Variants in MYO9A observed in about 807,000 individuals in gnomAD.
MYO9A encodes the protein myosin IXA.
In MYO9A, 103 loss-of-function variants were observed where a neutral mutation model predicts 293.3. The ratio of observed to expected loss-of-function variants is 0.35; its 90% CI spans 0.30 to 0.41. The LOEUF (loss-of-function observed/expected upper bound fraction) is 0.41. MYO9A is among the 10% of genes least tolerant of loss of function. MYO9A has a pLI of 1.00. For synonymous variants in MYO9A, 1,001 were observed against 1,035.7 expected, an observed-to-expected ratio of 0.97 and a Z score of 0.64; for missense variants, 2,685 against 3,033.0, an observed-to-expected ratio of 0.89 and a Z score of 2.69.
At chr15:72,041,291 G>T in intron 2 of MYO9A, 2 of 924,998 alleles carry the variant, frequency 2.2e-6, no homozygotes, top group Non-Finnish European at 1.7e-6. Flanking sequence ...GTATTTATTT[G>T]CCTAGTTCAC....
chr15:71,954,700 C>G (rs2059138068), intron 14 of MYO9A, among the ~76,000 whole-genome samples: 1 of 152,096 alleles, frequency 6.6e-6, no homozygotes, highest in Admixed American at 6.5e-5. Context: ...TATCTAAGGC[C>G]TAACACAGAT....
At chr15:71,963,854 G>A (rs1567324102) in intron 13 of MYO9A, among the ~76,000 whole-genome samples, 1 of 152,224 alleles carries the variant, frequency 6.6e-6, no homozygotes, top group Non-Finnish European at 1.5e-5. Context: ...GAAAGAAAAT[G>A]TGTAAGACCA....
chr15:72,107,434 A>C (rs2080609605), intron 1 of MYO9A, among the ~76,000 whole-genome samples: 1 of 152,138 alleles, frequency 6.6e-6, no homozygotes, highest in Non-Finnish European at 1.5e-5. Context: ...CTGTAATCCC[A>C]GCTACTCCAG....
intron 1 of MYO9A, among the ~76,000 whole-genome samples, chr15:72,083,942 T>C (rs986569127): frequency 6.6e-6 from 1 of 152,216 alleles, no homozygotes; most frequent in African/African-American, 2.4e-5. Flanking sequence ...GTATGTGCCA[T>C]GTGGTGATGA....
intron 1 of MYO9A, among the ~76,000 whole-genome samples, chr15:72,050,044 A>G (rs2078507662): frequency 6.6e-6 from 1 of 152,044 alleles, no homozygotes; most frequent in African/African-American, 2.4e-5. Flanking sequence ...AGCAGCCAAA[A>G]TCACACCTGC....
intron 1 of MYO9A, among the ~76,000 whole-genome samples, chr15:72,056,269 C>A (rs1001155093): frequency 2.0e-5 from 3 of 151,936 alleles, no homozygotes; most frequent in Non-Finnish European, 4.4e-5. Flanking sequence ...GTCATTTATA[C>A]AAAAAAAGAT....
chr15:71,893,108 T>G, intron 26 of MYO9A: 1 of 1,290,106 alleles, frequency 7.8e-7, no homozygotes, highest in Non-Finnish European at 1.0e-6. Flanking sequence ...TCGGCAAAAG[T>G]ACCTCTAGTC....
At chr15:72,008,077 A>G (rs2077065109) in intron 7 of MYO9A, 125 bp from the exon 8 acceptor site, 2 of 1,164,804 alleles carry the variant, frequency 1.7e-6, no homozygotes, top group African/African-American at 1.6e-5. Context: ...AAAATAAGCA[A>G]TATGGGAATA....
intron 33 of MYO9A, among the ~76,000 whole-genome samples, chr15:71,860,459 C>A (rs564417162): frequency 1.2e-3 from 184 of 152,260 alleles, no homozygotes; most frequent in Non-Finnish European, 2.1e-3. Context: ...GGAAGAGGCA[C>A]ATTTAGAGGA....
intron 14 of MYO9A, among the ~76,000 whole-genome samples, chr15:71,957,315 C>T (rs1363316913): frequency 6.6e-6 from 1 of 152,046 alleles, no homozygotes; most frequent in African/African-American, 2.4e-5. Flanking sequence ...TGATTAAATT[C>T]CAGGGTTCTG....
At chr15:71,905,074 A>C in intron 19 of MYO9A, 68 bp from the exon 20 acceptor site, 1 of 1,338,858 alleles carries the variant, frequency 7.5e-7, no homozygotes, top group Non-Finnish European at 1.0e-6. Context: ...ATTTATAACT[A>C]TAATCAACAT....
At chr15:71,948,133 C>G (rs1008904165) in intron 15 of MYO9A, among the ~76,000 whole-genome samples, 2 of 152,190 alleles carry the variant, frequency 1.3e-5, no homozygotes, top group African/African-American at 4.8e-5. Flanking sequence ...GGAAGCAAGT[C>G]ACTAAGTACA....
intron 31 of MYO9A, among the ~76,000 whole-genome samples, chr15:71,877,111 C>T (rs1193631749): frequency 2.6e-5 from 4 of 152,052 alleles, no homozygotes; most frequent in African/African-American, 9.7e-5. Context: ...TGATGGTATT[C>T]TTGATATGAA....
intron 14 of MYO9A, among the ~76,000 whole-genome samples, chr15:71,956,541 G>A (rs1057443439): frequency 2.0e-5 from 3 of 149,806 alleles, no homozygotes; most frequent in Non-Finnish European, 4.4e-5. Flanking sequence ...AGCTACTAGC[G>A]AGGCTGAGGC....
chr15:72,000,015 T>C (rs1337409052), intron 8 of MYO9A, 75 bp from the exon 9 acceptor site: 7 of 1,205,628 alleles, frequency 5.8e-6, no homozygotes, highest in East Asian at 2.5e-5. Context: ...AAAAGCCAAA[T>C]AGAGGAGGAA....
At chr15:72,071,060 T>C (rs1266350870) in intron 1 of MYO9A, among the ~76,000 whole-genome samples, 3 of 152,308 alleles carry the variant, frequency 2.0e-5, no homozygotes, top group Non-Finnish European at 2.9e-5. Context: ...CAATCAGGCT[T>C]AAACTAAAGA....
chr15:71,932,743 C>T (rs2058512478), intron 18 of MYO9A, among the ~76,000 whole-genome samples: 1 of 152,036 alleles, frequency 6.6e-6, no homozygotes, highest in African/African-American at 2.4e-5. Flanking sequence ...CACTGCAATT[C>T]ATATTTTCTA....
At chr15:72,101,244 G>A (rs2080300186) in intron 1 of MYO9A, among the ~76,000 whole-genome samples, 1 of 133,710 alleles carries the variant, frequency 7.5e-6, no homozygotes, top group African/African-American at 2.8e-5. Context: ...GAGGGAGGTG[G>A]GGGGGTCAGC....
intron 19 of MYO9A, among the ~76,000 whole-genome samples, chr15:71,910,088 G>GTA (rs1471567041): frequency 8.6e-5 from 12 of 139,530 alleles, no homozygotes; most frequent in Admixed American, 2.2e-4. Context: ...ATATATACAC[G>GTA]TATATATATA....
Sources: gnomAD v4.1 joint callset for allele counts (sites outside exome capture counted in the v4.1 genomes callset) on GRCh38, gnomAD v4.1.1 for gene constraint, MANE v1.5 for transcripts, NCBI Gene and HGNC (gene_info 2026-07-23, HGNC 2026-07-21) for gene names.